Variants in GSTA2 observed in about 807,000 individuals in gnomAD.
The protein encoded by GSTA2 is glutathione S-transferase alpha 2, also known as glutathione S-transferase A2.
In GSTA2, 27 loss-of-function variants were observed where a neutral mutation model predicts 22.4. The observed-to-expected ratio is 1.21, with a 90% CI of 0.89 to 1.67. The LOEUF (loss-of-function observed/expected upper bound fraction) is 1.67, where lower values mean the gene tolerates loss of function less well. Ranked by LOEUF, GSTA2 falls within the 40% of genes most tolerant of loss-of-function variation. GSTA2 has a pLI of 0.00. For missense variants in GSTA2, 302 were observed against 260.2 expected (o/e 1.16, Z -1.11); for synonymous variants, 121 against 86.8 (o/e 1.39, Z -2.19).
chr6:52,754,302 GT>G (rs1229851474), intron 4 of GSTA2, among the ~76,000 whole-genome samples: 1 of 152,186 alleles, frequency 6.6e-6, no homozygotes, highest in East Asian at 1.9e-4. Context: ...GCTGCCAGCA[GT>G]TTCATTCAGG....
At position 52,752,957 on chromosome 6, in the gene GSTA2, T is replaced by TC. The variant is rs1172121952; in HGVS notation, c.310dup (p.Glu104GlyfsTer9). 1 of 1,613,520 alleles carries TC rather than the reference T, an allele frequency of 6.2e-7. No individual in the cohort carries two copies. Among genetic ancestry groups the TC allele is most frequent in the Non-Finnish European group, 8.5e-7 (1 of 1,179,610 alleles). Reference sequence around the variant, plus strand: ...ACTAAAGGGCAGAAGAAGGATCATTTCACCCAAATCTGCTATACCTTCTAT... The same window carrying TC: ...ACTAAAGGGCAGAAGAAGGATCATTTCCACCCAAATCTGCTATACCTTCTAT... On this transcript the variant is annotated frameshift_variant, in exon 5 of 7. Coordinates refer to ENST00000493422, the MANE Select transcript of GSTA2 (RefSeq NM_000846.5). LOFTEE classifies it high-confidence loss of function.
intron 1 of GSTA2, among the ~76,000 whole-genome samples, chr6:52,759,351 G>A (rs976298053): frequency 2.0e-5 from 3 of 152,084 alleles, no homozygotes; most frequent in African/African-American, 7.2e-5. Flanking sequence ...TGGCTGCAGA[G>A]ACAGATGCAA....
Position 52,750,756 on chromosome 6 carries a change from A to C in GSTA2, c.547-57T>G, listed in dbSNP as rs1414895529. On this transcript the variant is annotated intron_variant, in intron 6 of 6. Coordinates refer to ENST00000493422, the MANE Select transcript of GSTA2 (RefSeq NM_000846.5). ...CAACAAGTCAAGGGCTGACACCCCC[A>C]TTAACATGACCCAGGGAATCTGAGT... The C allele has an allele frequency of 6.2e-5, 99 of 1,595,854 alleles. 1 individual carries two copies. Among genetic ancestry groups the C allele is most frequent in the Non-Finnish European group, 7.8e-5 (91 of 1,171,840 alleles).
chr6:52,753,111 G>T lies in GSTA2; in HGVS notation c.273-116C>A, dbSNP rs6935419. Reference sequence around the variant, plus strand: ...TGGCAAAATAATTCACCTCCAATGAGTGCCTTTTATAGTCTAGTCATTATG... The same window carrying T: ...TGGCAAAATAATTCACCTCCAATGATTGCCTTTTATAGTCTAGTCATTATG... On this transcript the variant is annotated intron_variant, in intron 4 of 6. Coordinates refer to ENST00000493422, the MANE Select transcript of GSTA2 (RefSeq NM_000846.5). 4.5e-3 allele frequency: 4,282 copies of T among 947,912 alleles called. 126 individuals are homozygous for T. The African/African-American group carries it at 0.06, about 13-fold the overall frequency. 58.7% of individuals were successfully genotyped at this position (947,912 alleles called of 1,614,324 possible).
chr6:52,755,422 C>G (rs78807802), intron 3 of GSTA2, among the ~76,000 whole-genome samples: 1 of 152,046 alleles, frequency 6.6e-6, no homozygotes, highest in Non-Finnish European at 1.5e-5. Flanking sequence ...CCATGTTGGC[C>G]AAACTGGTCT....
intron 1 of GSTA2, among the ~76,000 whole-genome samples, chr6:52,761,813 G>A (rs956561050): frequency 8.0e-5 from 12 of 150,596 alleles, no homozygotes; most frequent in African/African-American, 2.9e-4. Context: ...AAATCAGATA[G>A]GTAGAGGGCA....
intron 5 of GSTA2, among the ~76,000 whole-genome samples, chr6:52,751,912 C>T (rs1329696541): frequency 1.3e-5 from 2 of 152,224 alleles, no homozygotes; most frequent in East Asian, 1.9e-4. Flanking sequence ...GGAGCTCAGC[C>T]TCCCATTTTC....
At chr6:52,757,798 T>G in intron 2 of GSTA2, 63 bp downstream of exon 2, 1 of 1,352,998 alleles carries the variant, frequency 7.4e-7, no homozygotes, top group Non-Finnish European at 1.1e-6. Flanking sequence ...ATAGTTTCTG[T>G]GGGAAAAGTA....
In GSTA2 at chr6:52,759,099, TAGAAA is replaced by T. The variant is rs1170050148; in HGVS notation, c.-30-1127_-30-1123del. On this transcript the variant is annotated intron_variant, in intron 1 of 6. Coordinates refer to ENST00000493422, the MANE Select transcript of GSTA2 (RefSeq NM_000846.5). ...AAATCCCATTACTTTAAAAAATAAATAGAAAAGAAAAGAATAGAAAATATCAGTGA... is the reference window on the plus strand; with the variant it reads ...AAATCCCATTACTTTAAAAAATAAATAGAAAAGAATAGAAAATATCAGTGA... 6.6e-5 allele frequency among the ~76,000 whole-genome samples: 10 copies of T among 152,274 alleles called. No individual in the cohort carries two copies. In the East Asian group the frequency reaches 1.3e-3, roughly 21 times the overall value.
At chr6:52,761,093 G>A (rs4715315) in intron 1 of GSTA2, among the ~76,000 whole-genome samples, 73,760 of 151,776 alleles carry the variant, frequency 0.49, 20,789 homozygotes, top group East Asian at 0.72. Context: ...TAATCTCTGA[G>A]CCTCAATTTT....
chr6:52,751,856 G>T, intron 5 of GSTA2, 148 bp from the exon 6 acceptor site: 1 of 1,131,524 alleles, frequency 8.8e-7, no homozygotes, highest in Non-Finnish European at 1.3e-6. Flanking sequence ...CACATTATCT[G>T]AATGAATGAG....
At chr6:52,757,292 A>G (rs1339834856) in intron 2 of GSTA2, among the ~76,000 whole-genome samples, 3 of 121,522 alleles carry the variant, frequency 2.5e-5, no homozygotes, top group Non-Finnish European at 5.0e-5. Context: ...ATGAATAAAT[A>G]TAAACAGAAA....
intron 4 of GSTA2, among the ~76,000 whole-genome samples, chr6:52,753,829 G>T (rs1028580425): frequency 6.6e-6 from 1 of 152,114 alleles, no homozygotes; most frequent in African/African-American, 2.4e-5. Context: ...AATTATTTTT[G>T]TCACCTTGAT....
chr6:52,753,441 A>G (rs905918840), intron 4 of GSTA2, among the ~76,000 whole-genome samples: 3 of 152,204 alleles, frequency 2.0e-5, no homozygotes, highest in African/African-American at 7.2e-5. Context: ...TCCCTGGCAC[A>G]GCCATCTCAG....
intron 1 of GSTA2, among the ~76,000 whole-genome samples, chr6:52,759,889 T>G (rs750011621): frequency 6.6e-6 from 1 of 152,148 alleles, no homozygotes; most frequent in Non-Finnish European, 1.5e-5. Flanking sequence ...CAACCTCAAC[T>G]AATGTATTTC....
At chr6:52,756,111 C>T (rs1161735776) in intron 3 of GSTA2, 147 bp downstream of exon 3, 1 of 568,912 alleles carries the variant, frequency 1.8e-6, no homozygotes, top group Non-Finnish European at 3.2e-6. Flanking sequence ...CTCAAGGAGC[C>T]ACATCCCTTC....
At chr6:52,755,535 C>T (rs939445861) in intron 3 of GSTA2, among the ~76,000 whole-genome samples, 8 of 152,128 alleles carry the variant, frequency 5.3e-5, no homozygotes, top group African/African-American at 1.9e-4. Flanking sequence ...ATAAAGCTTC[C>T]TGTAGTTCTT....
At chr6:52,760,841 C>T (rs73435249) in intron 1 of GSTA2, among the ~76,000 whole-genome samples, 1,896 of 152,198 alleles carry the variant, frequency 0.012, 42 homozygotes, top group African/African-American at 0.042. Context: ...TCTACTTTGA[C>T]AACCTAAAAA....
chr6:52,755,697 T>C (rs115448923), intron 3 of GSTA2, among the ~76,000 whole-genome samples: 7 of 151,402 alleles, frequency 4.6e-5, no homozygotes. Flanking sequence ...GTTACAATAG[T>C]ACTGGCAACA....
Sources: allele counts gnomAD v4.1 joint callset (sites outside exome capture counted in the v4.1 genomes callset), GRCh38; gene constraint gnomAD v4.1.1; transcripts MANE v1.5; gene names NCBI Gene and HGNC (gene_info 2026-07-23, HGNC 2026-07-21).